SECISBP2: variants seen among roughly 807,000 people sequenced by gnomAD.
SECISBP2 encodes the protein SECIS binding protein 2.
In SECISBP2, 96 loss-of-function variants were observed where a neutral mutation model predicts 98.2. That is an observed-to-expected ratio of 0.98 (90% confidence interval 0.83 to 1.16). The LOEUF is 1.16. SECISBP2 is among the 50% of genes most tolerant of loss of function. The pLI, the probability that SECISBP2 is intolerant of heterozygous loss-of-function variation, is 0.00. For missense variants in SECISBP2, 1,046 were observed against 1,022.9 expected, an observed-to-expected ratio of 1.02 and a Z score of -0.31; for synonymous variants, 407 against 370.2, an observed-to-expected ratio of 1.10 and a Z score of -1.14.
intron 5 of SECISBP2, chr9:89,329,816 G>A (rs2131646956): frequency 6.6e-6 from 1 of 152,222 alleles, no homozygotes; most frequent in South Asian, 2.1e-4. Context: ...GCCTCAGAAG[G>A]AAAAGGTTGT....
In SECISBP2 at chr9:89,357,458, C is replaced by G; in HGVS notation, c.2161C>G (p.Gln721Glu). 1 of 1,614,180 alleles carries G rather than the reference C, an allele frequency of 6.2e-7. No homozygotes were observed. Among genetic ancestry groups the G allele is most frequent in the Non-Finnish European group, 8.5e-7 (1 of 1,180,036 alleles). Residue 721 changes from glutamine (Q) to glutamate (E), a missense_variant, in exon 15 of 17, where the codon CAG becomes GAG. Transcript: ENST00000375807. ...LHTIIDYACEQNIPFVFALNR... is the reference protein window; with the variant it reads ...LHTIIDYACEENIPFVFALNR... ...CACAATTATTGATTATGCCTGTGAGCAGAACATTCCCTTTGTGTTTGCTCT... is the reference window on the plus strand; with the variant it reads ...CACAATTATTGATTATGCCTGTGAGGAGAACATTCCCTTTGTGTTTGCTCT...
At position 89,328,768 on chromosome 9, in the gene SECISBP2, G is replaced by A; in HGVS notation, c.683G>A (p.Gly228Asp). ...FTTLDFPELQ[G>D]AENNMSEIQK... Reference sequence around the variant, plus strand: ...ACACTGGACTTTCCTGAACTGCAAGGTGCAGAGAACAATATGTCAGAGATA... The same window carrying A: ...ACACTGGACTTTCCTGAACTGCAAGATGCAGAGAACAATATGTCAGAGATA... The change falls in exon 5 of 17, where the codon GGT becomes GAT. Residue 228 changes from glycine (G) to aspartate (D), a missense_variant. Coordinates refer to ENST00000375807, the MANE Select transcript of SECISBP2 (RefSeq NM_024077.5). 1.9e-6 allele frequency: 3 copies of A among 1,614,154 alleles called. No homozygotes were observed. The highest frequency in any genetic ancestry group is 1.1e-5 in the South Asian group (1 of 91,080).
At chr9:89,365,149 A>AG in the SECISBP2 span, 2 of 152,392 alleles carry the variant, frequency 1.3e-5, no homozygotes, top group African/African-American at 4.8e-5. Flanking sequence ...GAAAGGGCTG[A>AG]GGGGGGCCAC....
At position 89,329,102 on chromosome 9, in the gene SECISBP2, GT is replaced by G. The variant is rs746236420; in HGVS notation, c.801+217del. 190 of 570,656 alleles carry G rather than the reference GT, an allele frequency of 3.3e-4. 1 individual carries two copies. Among genetic ancestry groups the G allele is most frequent in the Non-Finnish European group, 4.2e-4 (137 of 322,856 alleles). The allele number at this position is 570,656 out of a possible 1,614,324, so 35.3% of individuals were successfully genotyped here. A position where few individuals can be genotyped will look rare whatever the true frequency, so the allele number is the denominator to read the frequency against. ...ATCTAGTGCAGCTATTGTTTTATTTGTGCGTTTTGTTTTGTTTTGTTTTGTT... is the reference window on the plus strand; with the variant it reads ...ATCTAGTGCAGCTATTGTTTTATTTGGCGTTTTGTTTTGTTTTGTTTTGTT... On this transcript the variant is annotated intron_variant, in intron 5 of 16. Coordinates refer to ENST00000375807, the MANE Select transcript of SECISBP2 (RefSeq NM_024077.5).
chr9:89,343,403 T>C (rs376479575), intron 10 of SECISBP2, among the ~76,000 whole-genome samples: 6 of 152,314 alleles, frequency 3.9e-5, no homozygotes, highest in African/African-American at 1.4e-4. Context: ...GTTATATAGG[T>C]AAACTTGTGT....
Position 89,319,876 on chromosome 9 carries a change from G to T in SECISBP2, c.182+79G>T. ...TGATTAGACTTTCAAATACTCAGCA[G>T]TTACTGCACTAAAGTTCTGCAGATG... On this transcript the variant is annotated intron_variant, in intron 2 of 16. Coordinates refer to ENST00000375807, the MANE Select transcript of SECISBP2 (RefSeq NM_024077.5). 4 of 1,410,990 alleles carry T rather than the reference G, an allele frequency of 2.8e-6. No homozygotes were observed. The South Asian group carries it at 4.6e-5, about 16-fold the overall frequency. 87.4% of individuals were successfully genotyped at this position (1,410,990 alleles called of 1,614,324 possible). A position where few individuals can be genotyped will look rare whatever the true frequency, so the allele number is the denominator to read the frequency against.
the SECISBP2 span, among the ~76,000 whole-genome samples, chr9:89,365,927 G>A: frequency 1.3e-5 from 2 of 152,136 alleles, no homozygotes; most frequent in African/African-American, 2.4e-5. Context: ...ATCTTTGTCC[G>A]GTCTCTTGGT....
Position 89,359,026 on chromosome 9 carries a change from G to C in SECISBP2, c.*202G>C, listed in dbSNP as rs1832537557. ...TGTTAAAGGTCACTCAGATGTGCAG[G>C]TGTTAATCTTCTCTAAAAGCCTGGT... On this transcript the variant is annotated 3_prime_UTR_variant, in exon 17 of 17. Transcript: ENST00000375807. The C allele has an allele frequency of 1.7e-6, 1 of 584,612 alleles. No homozygotes were observed. Among genetic ancestry groups the C allele is most frequent in the Admixed American group, 2.9e-5 (1 of 34,222 alleles). The allele number at this position is 584,612 out of a possible 1,614,324, so 36.2% of individuals were successfully genotyped here. A position where few individuals can be genotyped will look rare whatever the true frequency, so the allele number is the denominator to read the frequency against.
Position 89,348,066 on chromosome 9 carries a change from T to C in SECISBP2, c.1603-13T>C, listed in dbSNP as rs749191001. 6.2e-7 allele frequency: 1 copy of C among 1,605,938 alleles called. No individual in the cohort carries two copies. Among genetic ancestry groups the C allele is most frequent in the South Asian group, 1.1e-5 (1 of 90,578 alleles). ...AGTATTTAGGCATTTTAATTGTTTA[T>C]TTAATTTTTAAGATTATTTTGAAAG... On this transcript the variant is annotated splice_polypyrimidine_tract_variant and intron_variant, in intron 11 of 16. Transcript: ENST00000375807.
At position 89,350,850 on chromosome 9, in the gene SECISBP2, A is replaced by C; in HGVS notation, c.2111A>C (p.Lys704Thr). The change falls in exon 14 of 17, where the codon AAA (lysine) becomes ACA (threonine). Residue 704 changes from lysine to threonine, a missense_variant and splice_region_variant. Coordinates refer to ENST00000375807, the MANE Select transcript of SECISBP2 (RefSeq NM_024077.5). The part of the protein sequence containing the change: ...ISPNCEKIQS[K>T]GGLDDTLHTI... ...CCCAACTGTGAGAAGATACAGTCAA[A>C]AGGTAAAGGCACAGTGTGGTCCTGT... 6.2e-7 allele frequency: 1 copy of C among 1,613,740 alleles called. No homozygotes were observed. Among genetic ancestry groups the C allele is most frequent in the Non-Finnish European group, 8.5e-7 (1 of 1,179,596 alleles).
At chr9:89,333,119 A>T in intron 6 of SECISBP2, 133 bp downstream of exon 6, 2 of 756,652 alleles carry the variant, frequency 2.6e-6, no homozygotes, top group South Asian at 3.0e-5. Flanking sequence ...GTAACCTAAC[A>T]TCAGTGTTAG....
chr9:89,365,074 T>A, the SECISBP2 span: 1 of 152,320 alleles, frequency 6.6e-6, no homozygotes, highest in African/African-American at 2.4e-5. Flanking sequence ...TCCCTGTTCT[T>A]ACTGAAGGAA....
At chr9:89,334,385 C>A in intron 6 of SECISBP2, 137 bp from the exon 7 acceptor site, 1 of 874,170 alleles carries the variant, frequency 1.1e-6, no homozygotes, top group Non-Finnish European at 1.8e-6. Context: ...ACTATAGTTT[C>A]CAAGAGGATG....
rs1417193235 is a variant in SECISBP2, at chr9:89,325,584, A to C, written c.340A>C (p.Asn114His). ...YSVPGSQYLY[N>H]QPSCYRGFQT... ...AGTGCCTGGCTCCCAGTATCTTTAT[A>C]ACCAACCCAGTTGTTACCGAGGTTT... is the stretch of plus-strand genomic sequence containing the variant. Residue 114 changes from asparagine to histidine, a missense_variant, in exon 3 of 17, where the codon AAC becomes CAC. By Grantham distance (68) the Asn-to-His change is moderately conservative (BLOSUM62 1). Coordinates refer to ENST00000375807, the MANE Select transcript of SECISBP2 (RefSeq NM_024077.5). 1 of 1,614,170 alleles carries C rather than the reference A, an allele frequency of 6.2e-7. No individual in the cohort carries two copies. Among genetic ancestry groups the C allele is most frequent in the South Asian group, 1.1e-5 (1 of 91,082 alleles).
intron 5 of SECISBP2, among the ~76,000 whole-genome samples, chr9:89,330,773 T>C (rs1827615888): frequency 6.6e-6 from 1 of 152,230 alleles, no homozygotes; most frequent in Admixed American, 6.5e-5. Context: ...GCCACGGCGC[T>C]GCCGGTCTTC....
chr9:89,324,538 A>G (rs1277469180), intron 2 of SECISBP2: 2 of 152,284 alleles, frequency 1.3e-5, no homozygotes, highest in African/African-American at 2.4e-5. Context: ...CTTGCAGCGC[A>G]TTAGAAATAT....
intron 5 of SECISBP2, among the ~76,000 whole-genome samples, chr9:89,331,501 G>T (rs1223692101): frequency 1.3e-5 from 2 of 152,038 alleles, no homozygotes; most frequent in African/African-American, 2.4e-5. Context: ...TCTACTTAAT[G>T]GATTCAACTT....
downstream of SECISBP2, chr9:89,362,344 C>T: frequency 1.2e-6 from 2 of 1,613,976 alleles, no homozygotes; most frequent in South Asian, 1.1e-5. Flanking sequence ...TGGCTGTGGT[C>T]AGTGGCAGCA....
rs899363039 is a variant in SECISBP2 at position 89,341,333 on chromosome 9, T to A, written c.1303-14T>A. On this transcript the variant is annotated splice_polypyrimidine_tract_variant and intron_variant, in intron 9 of 16. Coordinates refer to ENST00000375807, the MANE Select transcript of SECISBP2 (RefSeq NM_024077.5). ...ATAGTTTTATAAGTAAACTTACGAA[T>A]TTTGAACTTTCAGGATAATTTTAAA... 1 of 1,611,594 alleles carries A rather than the reference T, an allele frequency of 6.2e-7. No homozygotes were observed. Among genetic ancestry groups the A allele is most frequent in the African/African-American group, 1.3e-5 (1 of 74,674 alleles).
Sources: gnomAD v4.1 joint callset for allele counts (sites outside exome capture counted in the v4.1 genomes callset) on GRCh38, gnomAD v4.1.1 for gene constraint, MANE v1.5 for transcripts, NCBI Gene and HGNC (gene_info 2026-07-23, HGNC 2026-07-21) for gene names.